DHRS2: variants seen among roughly 807,000 people sequenced by gnomAD.
DHRS2 encodes the protein dehydrogenase/reductase 2, also known as dehydrogenase/reductase SDR family member 2, mitochondrial.
A neutral mutation model predicts 26.3 loss-of-function variants in DHRS2; 29 were observed. The ratio of observed to expected loss-of-function variants is 1.10; its 90% CI spans 0.82 to 1.50. The LOEUF is 1.50. Ranked by LOEUF, DHRS2 falls within the 40% of genes most tolerant of loss-of-function variation. DHRS2 has a pLI of 0.00. For synonymous variants in DHRS2, 164 were observed against 151.3 expected (o/e 1.08, Z -0.62); for missense variants, 439 against 367.1 (o/e 1.20, Z -1.60).
In DHRS2 at chr14:23,639,165, A is replaced by T; in HGVS notation, c.141-14A>T. The T allele has an allele frequency of 6.2e-7, 1 of 1,611,704 alleles. No homozygotes were observed. Among genetic ancestry groups the T allele is most frequent in the South Asian group, 1.1e-5 (1 of 90,684 alleles). The stretch of plus-strand genomic sequence containing the variant: ...AGGCTGAGGCTGACTTTTGCCCTCC[A>T]TCTCTGCATTCAGGATCGGCTTTGC... On this transcript the variant is annotated splice_polypyrimidine_tract_variant and intron_variant, in intron 2 of 8. Coordinates refer to ENST00000250383, the MANE Select transcript of DHRS2 (RefSeq NM_005794.4).
upstream of DHRS2, among the ~76,000 whole-genome samples, chr14:23,633,068 G>T (rs149841422): frequency 4.6e-3 from 704 of 152,350 alleles, 1 homozygote; most frequent in South Asian, 7.3e-3. Context: ...ACATGAATGT[G>T]GAGCTGGGAA....
rs1471134910 is a variant in DHRS2, at chr14:23,643,306, G to A, written c.488+87G>A. On this transcript the variant is annotated intron_variant, in intron 5 of 8. Coordinates refer to ENST00000250383, the MANE Select transcript of DHRS2 (RefSeq NM_005794.4). ...CAGTCGGTAGCACAGCCAGTAGTGG[G>A]TAGAGGACAGAAGAGGTCTGGGATC... The A allele has an allele frequency of 8.8e-6, 11 of 1,246,228 alleles. No homozygotes were observed. The African/African-American group carries it at 1.5e-4, about 17-fold the overall frequency. The allele number at this position is 1,246,228 out of a possible 1,614,324, so 77.2% of individuals were successfully genotyped here. A position where few individuals can be genotyped will look rare whatever the true frequency, so the allele number is the denominator to read the frequency against.
At chr14:23,637,116 A>ACTCACCTATCTATCCTATCTATC (rs1555366376) in intron 1 of DHRS2, among the ~76,000 whole-genome samples, 5 of 151,974 alleles carry the variant, frequency 3.3e-5, no homozygotes, top group Non-Finnish European at 7.4e-5. Flanking sequence ...CCCAAGTGAG[A>ACTCACCTATCTATCCTATCTATC]CTCACCTATC....
At chr14:23,634,257 G>T (rs772534698), upstream of DHRS2, among the ~76,000 whole-genome samples, 15 of 151,888 alleles carry the variant, frequency 9.9e-5, no homozygotes, top group Non-Finnish European at 1.8e-4. Context: ...TAGTAGAGAT[G>T]AGGTTTCACC....
chr14:23,639,362 G>A lies in DHRS2; in HGVS notation c.318+6G>A. 3 of 1,559,428 alleles carry A rather than the reference G, an allele frequency of 1.9e-6. No homozygotes were observed. The highest frequency in any genetic ancestry group is 2.6e-6 in the Non-Finnish European group (3 of 1,154,966). ...GGGAGCAGCTGGTGGCCAAGGTGAG[G>A]GGGCAGGCGGTGGAAGGACACAGAG... On this transcript the variant is annotated splice_donor_region_variant and intron_variant, in intron 3 of 8. Coordinates refer to ENST00000250383, the MANE Select transcript of DHRS2 (RefSeq NM_005794.4).
intron 1 of DHRS2, chr14:23,638,019 A>ATCTTGATTC (rs1890422703): frequency 1.3e-5 from 2 of 152,294 alleles, no homozygotes; most frequent in South Asian, 4.2e-4. Context: ...TTTGCAATAA[A>ATCTTGATTC]TCTTGATTCA....
At chr14:23,642,886 C>T (rs752523014) in intron 4 of DHRS2, 39 of 349,512 alleles carry the variant, frequency 1.1e-4, no homozygotes, top group Non-Finnish European at 1.9e-4. Context: ...CTTTAAAAGG[C>T]CTGAACATTT....
chr14:23,642,441 G>A (rs2138389156), intron 4 of DHRS2: 1 of 153,016 alleles, frequency 6.5e-6, no homozygotes, highest in East Asian at 1.9e-4. Context: ...AAGGTAAGAG[G>A]ACAAGCAAAT....
chr14:23,639,737 T>G, intron 3 of DHRS2, 57 bp from the exon 4 acceptor site: 1 of 1,518,916 alleles, frequency 6.6e-7, no homozygotes, highest in South Asian at 1.3e-5. Context: ...TGGGCTGCCC[T>G]GGGAGGGATA....
intron 7 of DHRS2, 112 bp downstream of exon 7, chr14:23,644,655 G>C: frequency 6.5e-7 from 1 of 1,542,112 alleles, no homozygotes; most frequent in Non-Finnish European, 8.9e-7. Flanking sequence ...CTATGACTGA[G>C]GTCCTCATTG....
In DHRS2 at chr14:23,645,248, C is replaced by G; in HGVS notation, c.838C>G (p.Leu280Val). The G allele has an allele frequency of 6.2e-7, 1 of 1,614,142 alleles. No homozygotes were observed. Among genetic ancestry groups the G allele is most frequent in the Non-Finnish European group, 8.5e-7 (1 of 1,180,030 alleles). ...NIAVAGYSTR[L>V] ...TGCGGTGGCAGGCTACTCCACTCGG[C>G]TCTGAGAGGAGTGGGGGCGGCTGCG... Residue 280 changes from leucine to valine, a missense_variant, in exon 9 of 9, where the codon CTC becomes GTC. By Grantham distance (32) the Leu-to-Val change is conservative. Coordinates refer to ENST00000250383, the MANE Select transcript of DHRS2 (RefSeq NM_005794.4).
At chr14:23,637,789 C>G (rs890507954) in intron 1 of DHRS2, among the ~76,000 whole-genome samples, 3 of 152,170 alleles carry the variant, frequency 2.0e-5, no homozygotes, top group Admixed American at 6.5e-5. Context: ...CCAATCAGCA[C>G]TCTGTGTCTA....
At chr14:23,632,248 C>T (rs1017779302), upstream of DHRS2, among the ~76,000 whole-genome samples, 1 of 152,166 alleles carries the variant, frequency 6.6e-6, no homozygotes, top group Non-Finnish European at 1.5e-5. Context: ...GAGAGGAGTT[C>T]CCCAGGGGGG....
intron 1 of DHRS2, among the ~76,000 whole-genome samples, chr14:23,631,174 G>GA (rs1890108325): frequency 6.6e-6 from 1 of 152,096 alleles, no homozygotes; most frequent in Non-Finnish European, 1.5e-5. Flanking sequence ...AAATACTTCA[G>GA]TTTTTTTCAG....
At chr14:23,638,384 A>G in intron 1 of DHRS2, 1 of 191,676 alleles carries the variant, frequency 5.2e-6, no homozygotes, top group Non-Finnish European at 1.1e-5. Flanking sequence ...AGAACCCACC[A>G]ATTCCAGACA....
In DHRS2 at chr14:23,639,320, G is replaced by T. The variant is rs1156255057; in HGVS notation, c.282G>T (p.Val94=). 6.3e-7 allele frequency: 1 copy of T among 1,586,854 alleles called. No homozygotes were observed. The highest frequency in any genetic ancestry group is 8.6e-7 in the Non-Finnish European group (1 of 1,167,140). ...GLSVAGIVCH[V]GKAEDREQLV... The stretch of plus-strand genomic sequence containing the variant: ...GTGTGGCGGGCATTGTGTGCCACGT[G>T]GGGAAGGCTGAGGACCGGGAGCAGC... The change falls in exon 3 of 9, where the codon GTG becomes GTT. Residue 94 remains valine (V), a synonymous_variant. Transcript: ENST00000250383.
chr14:23,635,673 C>T (rs1328966160), upstream of DHRS2, among the ~76,000 whole-genome samples: 3 of 152,268 alleles, frequency 2.0e-5, no homozygotes, highest in African/African-American at 7.2e-5. Flanking sequence ...CTTGGTGCCT[C>T]CTCGTCCTCC....
At chr14:23,633,386 GC>G (rs1490589101), upstream of DHRS2, among the ~76,000 whole-genome samples, 1 of 152,248 alleles carries the variant, frequency 6.6e-6, no homozygotes, top group African/African-American at 2.4e-5. Flanking sequence ...TCAGGCATGA[GC>G]CCCCCATTCT....
Position 23,644,436 on chromosome 14 carries a change from A to G in DHRS2, c.568A>G (p.Thr190Ala). 6.2e-7 allele frequency: 1 copy of G among 1,614,162 alleles called. No homozygotes were observed. The highest frequency in any genetic ancestry group is 1.1e-5 in the South Asian group (1 of 91,080). Residue 190 changes from threonine to alanine, a missense_variant, in exon 7 of 9, where the codon ACA becomes GCA. Physicochemically the swap from Thr to Ala is moderately conservative, Grantham distance 58 (BLOSUM62 0). Transcript: ENST00000250383. ...GCTGGGTGTCTACAATGTCAGCAAG[A>G]CAGCGCTGCTGGGTCTCACTAGAAC... ...VALGVYNVSKTALLGLTRTLA... is the reference protein window; with the variant it reads ...VALGVYNVSKAALLGLTRTLA...
Sources: gnomAD v4.1 joint callset for allele counts (sites outside exome capture counted in the v4.1 genomes callset) on GRCh38, gnomAD v4.1.1 for gene constraint, MANE v1.5 for transcripts, NCBI Gene and HGNC (gene_info 2026-07-23, HGNC 2026-07-21) for gene names.